The following NELL1 variants were observed in gnomAD, a reference collection of about 807,000 sequenced individuals.
The protein encoded by NELL1 is protein kinase C-binding protein NELL1.
Under a neutral mutation model 107.4 loss-of-function variants are expected in NELL1, and 76 were observed. That is an observed-to-expected ratio of 0.71 (90% CI 0.59 to 0.86). NELL1 has a LOEUF of 0.86. Ranked by LOEUF, NELL1 falls within the 40% of genes least tolerant of loss-of-function variation. The pLI is 0.00. For synonymous variants in NELL1, 353 were observed against 341.2 expected, an observed-to-expected ratio of 1.03 and a Z score of -0.38; for missense variants, 1,024 against 1,005.5, an observed-to-expected ratio of 1.02 and a Z score of -0.25.
At chr11:21,097,737 C>G (rs928002231) in intron 12 of NELL1, among the ~76,000 whole-genome samples, 2 of 152,096 alleles carry the variant, frequency 1.3e-5, no homozygotes, top group African/African-American at 4.8e-5. Flanking sequence ...CAGGCTAAAT[C>G]CTTTGAAGAG....
chr11:20,673,570 G>T (rs565557987), intron 1 of NELL1, among the ~76,000 whole-genome samples: 2 of 152,336 alleles, frequency 1.3e-5, no homozygotes, highest in African/African-American at 4.8e-5. Context: ...CTGGGTGGGG[G>T]TGAGGAGCAG....
intron 2 of NELL1, among the ~76,000 whole-genome samples, chr11:20,702,431 A>G (rs1021409094): frequency 3.9e-5 from 6 of 152,006 alleles, no homozygotes; most frequent in South Asian, 2.1e-4. Flanking sequence ...GGGTTTTCTA[A>G]ATATACAATC....
chr11:20,693,799 G>A (rs370412821), intron 2 of NELL1, among the ~76,000 whole-genome samples: 22 of 149,338 alleles, frequency 1.5e-4, no homozygotes, highest in Non-Finnish European at 2.1e-4. Flanking sequence ...TCTTTGTGGC[G>A]TTCTCTGTAT....
At chr11:20,714,094 G>A (rs1206551422) in intron 2 of NELL1, among the ~76,000 whole-genome samples, 1 of 151,314 alleles carries the variant, frequency 6.6e-6, no homozygotes, top group East Asian at 1.9e-4. Context: ...TGTTTCTGTG[G>A]TGGTTCTTCA....
At chr11:20,800,329 C>T (rs896563235) in intron 3 of NELL1, among the ~76,000 whole-genome samples, 1 of 152,164 alleles carries the variant, frequency 6.6e-6, no homozygotes, top group Admixed American at 6.5e-5. Context: ...ATAGACATGT[C>T]CTTTTCTCCA....
intron 14 of NELL1, among the ~76,000 whole-genome samples, chr11:21,277,184 A>G (rs1388865276): frequency 4.6e-4 from 70 of 152,152 alleles, no homozygotes; most frequent in Non-Finnish European, 1.3e-4. Context: ...TCTACAATGA[A>G]CTCAAACAAA....
At chr11:20,806,945 CT>C (rs1857397417) in intron 3 of NELL1, among the ~76,000 whole-genome samples, 1 of 152,076 alleles carries the variant, frequency 6.6e-6, no homozygotes, top group African/African-American at 2.4e-5. Flanking sequence ...AATTCCTTCT[CT>C]GCGTTATCTT....
chr11:21,485,082 C>A (rs1323630684), intron 15 of NELL1, among the ~76,000 whole-genome samples: 1 of 152,104 alleles, frequency 6.6e-6, no homozygotes. Context: ...CATGTATAAT[C>A]CTAGCCATGG....
At chr11:20,952,391 T>G (rs191806787) in intron 11 of NELL1, among the ~76,000 whole-genome samples, 1 of 152,302 alleles carries the variant, frequency 6.6e-6, no homozygotes, top group Admixed American at 6.5e-5. Flanking sequence ...GTCCTTCAAT[T>G]AAACCCTCCC....
At chr11:21,219,610 G>A (rs1362832140) in intron 13 of NELL1, among the ~76,000 whole-genome samples, 1 of 152,112 alleles carries the variant, frequency 6.6e-6, no homozygotes, top group Admixed American at 6.5e-5. Context: ...ATTAATTTAG[G>A]TCTCACATTT....
At chr11:21,049,298 C>G (rs1218379191) in intron 12 of NELL1, among the ~76,000 whole-genome samples, 1 of 152,126 alleles carries the variant, frequency 6.6e-6, no homozygotes, top group South Asian at 2.1e-4. Context: ...TGTTTCAGGC[C>G]TTTATAAGGG....
chr11:21,508,642 A>T (rs1171612665), intron 15 of NELL1, among the ~76,000 whole-genome samples: 1 of 152,172 alleles, frequency 6.6e-6, no homozygotes, highest in African/African-American at 2.4e-5. Context: ...TTAAAAAAAT[A>T]TTGTGAACAT....
At chr11:20,691,173 G>T (rs1454309727) in intron 2 of NELL1, among the ~76,000 whole-genome samples, 1 of 152,042 alleles carries the variant, frequency 6.6e-6, no homozygotes, top group African/African-American at 2.4e-5. Flanking sequence ...TCAGCTTAAG[G>T]AGATTTTGGG....
chr11:21,489,068 G>GA (rs530935590), intron 15 of NELL1, among the ~76,000 whole-genome samples: 3 of 150,586 alleles, frequency 2.0e-5, no homozygotes, highest in African/African-American at 7.3e-5. Context: ...AAAATCCAAA[G>GA]AAAAAAAATC....
At chr11:21,008,061 G>A (rs1852367460) in intron 12 of NELL1, among the ~76,000 whole-genome samples, 3 of 152,090 alleles carry the variant, frequency 2.0e-5, no homozygotes, top group South Asian at 4.1e-4. Flanking sequence ...GCTTACAGAA[G>A]TGAAGTAACT....
chr11:21,051,008 C>G (rs1239930882), intron 12 of NELL1, among the ~76,000 whole-genome samples: 1 of 152,150 alleles, frequency 6.6e-6, no homozygotes, highest in Non-Finnish European at 1.5e-5. Context: ...TTCCTGGACT[C>G]TGCACCCAAT....
intron 2 of NELL1, among the ~76,000 whole-genome samples, chr11:20,702,010 A>G (rs937639664): frequency 1.3e-5 from 2 of 152,130 alleles, no homozygotes; most frequent in African/African-American, 4.8e-5. Flanking sequence ...TTGATTCCAT[A>G]TGAACTTTAA....
At chr11:21,463,624 T>C (rs1027294342) in intron 15 of NELL1, among the ~76,000 whole-genome samples, 1 of 152,132 alleles carries the variant, frequency 6.6e-6, no homozygotes, top group African/African-American at 2.4e-5. Flanking sequence ...GGATAAGAAC[T>C]ACATCTGTCA....
intron 4 of NELL1, among the ~76,000 whole-genome samples, chr11:20,865,952 C>G (rs951017360): frequency 9.2e-5 from 14 of 152,134 alleles, no homozygotes; most frequent in African/African-American, 2.9e-4. Context: ...CACTTCCTAG[C>G]TGTGTGCTCT....
Sources: allele counts gnomAD v4.1 joint callset (sites outside exome capture counted in the v4.1 genomes callset), GRCh38; gene constraint gnomAD v4.1.1; transcripts MANE v1.5; gene names NCBI Gene and HGNC (gene_info 2026-07-23, HGNC 2026-07-21).